LIMCH1: variants seen among roughly 807,000 people sequenced by gnomAD.
LIMCH1 encodes the protein LIM and calponin homology domains 1.
A neutral mutation model predicts 176.5 loss-of-function variants in LIMCH1; 113 were observed. That is an observed-to-expected ratio of 0.64 (90% CI 0.55 to 0.75). The LOEUF (loss-of-function observed/expected upper bound fraction) is 0.75. LIMCH1 is among the 30% of genes least tolerant of loss of function. The pLI, the probability that LIMCH1 is intolerant of heterozygous loss-of-function variation, is 0.00. For synonymous variants in LIMCH1, 619 were observed against 645.9 expected, an observed-to-expected ratio of 0.96 and a Z score of 0.63; for missense variants, 1,674 against 1,814.9, an observed-to-expected ratio of 0.92 and a Z score of 1.41.
intron 1 of LIMCH1, among the ~76,000 whole-genome samples, chr4:41,431,784 G>A (rs1490401216): frequency 3.3e-5 from 5 of 152,048 alleles, no homozygotes; most frequent in Non-Finnish European, 5.9e-5. Context: ...ATCTTTTCTT[G>A]TGCTATTATG....
intron 1 of LIMCH1, among the ~76,000 whole-genome samples, chr4:41,439,427 A>C (rs2154140514): frequency 6.6e-6 from 1 of 151,448 alleles, no homozygotes; most frequent in African/African-American, 2.4e-5. Flanking sequence ...TCTCTATAAA[A>C]AATACAGGAA....
At chr4:41,677,453 T>G (rs1020068812) in intron 23 of LIMCH1, among the ~76,000 whole-genome samples, 1 of 152,130 alleles carries the variant, frequency 6.6e-6, no homozygotes, top group African/African-American at 2.4e-5. Flanking sequence ...TGCTCTACCT[T>G]TGGGTAAAAG....
chr4:41,638,247 G>C lies in LIMCH1; in HGVS notation c.2091-685G>C, dbSNP rs187415016. Among the ~76,000 whole-genome samples the C allele has an allele frequency of 5.5e-3, 829 of 152,086 alleles. 8 individuals carry two copies. The highest frequency in any genetic ancestry group is 0.019 in the African/African-American group (793 of 41,492). ...ACTATCGCAGAGGGTACAACTTTATGGATCTAAATTATCAGGAGAATATAA... is the reference window on the plus strand; with the variant it reads ...ACTATCGCAGAGGGTACAACTTTATCGATCTAAATTATCAGGAGAATATAA... On this transcript the variant is annotated intron_variant, in intron 13 of 31. Transcript: ENST00000503057.
rs138310194 is a variant in LIMCH1 at position 41,370,434 on chromosome 4, A to G, written c.96+9498A>G. Reference sequence around the variant, plus strand: ...CTAGTAGCTGGTATCCATGGTATCAATAAATGGCCACGGCTGTGACTGTTA... The same window carrying G: ...CTAGTAGCTGGTATCCATGGTATCAGTAAATGGCCACGGCTGTGACTGTTA... On this transcript the variant is annotated intron_variant, in intron 1 of 26. Coordinates refer to the LIMCH1 transcript ENST00000313860. 4.5e-3 allele frequency among the ~76,000 whole-genome samples: 693 copies of G among 152,340 alleles called. 3 individuals are homozygous for G. The highest frequency in any genetic ancestry group is 7.6e-3 in the Non-Finnish European group (514 of 68,026).
intron 5 of LIMCH1, 139 bp from the exon 6 acceptor site, chr4:41,619,049 C>G: frequency 9.7e-7 from 1 of 1,031,960 alleles, no homozygotes; most frequent in Non-Finnish European, 1.4e-6. Flanking sequence ...CAAATCTACA[C>G]TTTAGATTTG....
chr4:41,496,603 G>A (rs1014367776), intron 2 of LIMCH1, among the ~76,000 whole-genome samples: 2 of 152,164 alleles, frequency 1.3e-5, no homozygotes, highest in African/African-American at 4.8e-5. Flanking sequence ...TGGTGACTGG[G>A]GACAGGGGAG....
At chr4:41,600,091 T>C (rs1379842216) in intron 2 of LIMCH1, among the ~76,000 whole-genome samples, 2 of 152,186 alleles carry the variant, frequency 1.3e-5, no homozygotes, top group Admixed American at 6.6e-5. Context: ...GATTTTGTGA[T>C]TCATGACTGG....
chr4:41,399,021 C>T (rs2058092118), intron 1 of LIMCH1, among the ~76,000 whole-genome samples: 1 of 152,112 alleles, frequency 6.6e-6, no homozygotes, highest in Admixed American at 6.5e-5. Context: ...AGCTAATTAA[C>T]ATTTACAGGG....
chr4:41,652,695 C>G (rs2094344049), intron 18 of LIMCH1, among the ~76,000 whole-genome samples: 1 of 152,116 alleles, frequency 6.6e-6, no homozygotes, highest in South Asian at 2.1e-4. Context: ...TTTCTAAATT[C>G]CCTTCATTAA....
At chr4:41,605,347 T>G (rs920345344) in intron 3 of LIMCH1, among the ~76,000 whole-genome samples, 1 of 152,176 alleles carries the variant, frequency 6.6e-6, no homozygotes, top group African/African-American at 2.4e-5. Flanking sequence ...ACTGCTTTCT[T>G]TTGACTTTAA....
chr4:41,499,008 C>G (rs969266003), intron 2 of LIMCH1, among the ~76,000 whole-genome samples: 1 of 152,016 alleles, frequency 6.6e-6, no homozygotes, highest in Non-Finnish European at 1.5e-5. Flanking sequence ...TGGTCCTTTA[C>G]AGAGAAACTT....
chr4:41,526,511 C>T (rs1195783487), intron 3 of LIMCH1, among the ~76,000 whole-genome samples: 1 of 152,130 alleles, frequency 6.6e-6, no homozygotes, highest in Non-Finnish European at 1.5e-5. Flanking sequence ...TGGTGGGAAA[C>T]AGATCGCCAT....
intron 1 of LIMCH1, among the ~76,000 whole-genome samples, chr4:41,404,720 G>A (rs895439207): frequency 2.0e-5 from 3 of 152,086 alleles, no homozygotes; most frequent in Non-Finnish European, 2.9e-5. Context: ...CAAAGGTTGC[G>A]GTGAGCCAGG....
chr4:41,564,195 C>G (rs2082415173), intron 1 of LIMCH1, among the ~76,000 whole-genome samples: 1 of 152,090 alleles, frequency 6.6e-6, no homozygotes, highest in Non-Finnish European at 1.5e-5. Context: ...TCCCATTTTA[C>G]AGATGAGGAA....
chr4:41,369,851 T>C (rs1002617528), intron 1 of LIMCH1, among the ~76,000 whole-genome samples: 16 of 151,738 alleles, frequency 1.1e-4, no homozygotes, highest in Non-Finnish European at 1.8e-4. Flanking sequence ...TCTCAGTGAG[T>C]CTGTGCCCAG....
At chr4:41,659,248 A>G (rs903024177) in intron 18 of LIMCH1, among the ~76,000 whole-genome samples, 2 of 152,180 alleles carry the variant, frequency 1.3e-5, no homozygotes, top group African/African-American at 4.8e-5. Context: ...TTAAAATATT[A>G]CAAAATCCAA....
intron 12 of LIMCH1, 127 bp from the exon 13 acceptor site, chr4:41,633,421 C>T: frequency 5.3e-6 from 6 of 1,131,742 alleles, no homozygotes; most frequent in African/African-American, 1.6e-5. Flanking sequence ...TGCTCAGCTG[C>T]TCTGTGTGCC....
intron 2 of LIMCH1, among the ~76,000 whole-genome samples, chr4:41,507,519 C>T (rs2154182322): frequency 6.6e-6 from 1 of 152,248 alleles, no homozygotes; most frequent in Admixed American, 6.5e-5. Flanking sequence ...GGGTCAGAGA[C>T]TAAATATCAG....
intron 1 of LIMCH1, among the ~76,000 whole-genome samples, chr4:41,557,469 T>C (rs1256332319): frequency 6.6e-6 from 1 of 152,084 alleles, no homozygotes; most frequent in African/African-American, 2.4e-5. Flanking sequence ...TTTAAACTGA[T>C]GCTTTTTCTT....
Sources: gnomAD v4.1 joint callset for allele counts (sites outside exome capture counted in the v4.1 genomes callset) on GRCh38, gnomAD v4.1.1 for gene constraint, MANE v1.5 for transcripts, NCBI Gene and HGNC (gene_info 2026-07-23, HGNC 2026-07-21) for gene names.